The following TFB1M variants were observed in gnomAD, a reference collection of about 807,000 sequenced individuals.
TFB1M encodes dimethyladenosine transferase 1, mitochondrial.
A neutral mutation model predicts 31.1 loss-of-function variants in TFB1M; 27 were observed. The ratio of observed to expected loss-of-function variants is 0.87; its 90% CI spans 0.64 to 1.20. The LOEUF (loss-of-function observed/expected upper bound fraction) is 1.20, where lower values mean the gene tolerates loss of function less well. Ranked by LOEUF, TFB1M falls within the 50% of genes most tolerant of loss-of-function variation. The pLI, the probability that TFB1M is intolerant of heterozygous loss-of-function variation, is 0.00. For missense variants in TFB1M, 394 were observed against 418.7 expected (o/e 0.94, Z 0.51); for synonymous variants, 166 against 151.8 (o/e 1.09, Z -0.69).
At chr6:155,270,046 T>A (rs148263677) in intron 5 of TFB1M, among the ~76,000 whole-genome samples, 1 of 152,350 alleles carries the variant, frequency 6.6e-6, no homozygotes, top group Admixed American at 6.5e-5. Flanking sequence ...AGGTGGAAGG[T>A]TCTTGTTCTA....
chr6:155,241,187 A>C, the TFB1M span, among the ~76,000 whole-genome samples: 45 of 152,290 alleles, frequency 3.0e-4, no homozygotes, highest in Non-Finnish European at 5.6e-4. Flanking sequence ...GCACGTGGGA[A>C]TATCCTTGCA....
At chr6:155,311,499 C>A (rs1431365228) in intron 1 of TFB1M, among the ~76,000 whole-genome samples, 160 bp from the exon 2 acceptor site, 1 of 152,182 alleles carries the variant, frequency 6.6e-6, no homozygotes, top group Non-Finnish European at 1.5e-5. Context: ...CCTAAATTAA[C>A]ATGAAGTGGC....
At chr6:155,288,347 T>G (rs547070223) in intron 4 of TFB1M, among the ~76,000 whole-genome samples, 47 of 152,306 alleles carry the variant, frequency 3.1e-4, no homozygotes, top group Middle Eastern at 3.4e-3. Flanking sequence ...TAATCTTTCT[T>G]ACTAAAATGT....
At position 155,256,623 on chromosome 6, in the gene TFB1M, G is replaced by C; in HGVS notation, c.*1213C>G. 2 of 1,614,170 alleles carry C rather than the reference G, an allele frequency of 1.2e-6. No homozygotes were observed. Among genetic ancestry groups the C allele is most frequent in the African/African-American group, 1.3e-5 (1 of 75,040 alleles). Reference sequence around the variant, plus strand: ...AGAGCAGCGGCTGCCCCACGGCTGAGGGCAGGCAGGACTCCAAGAGCACTT... The same window carrying C: ...AGAGCAGCGGCTGCCCCACGGCTGACGGCAGGCAGGACTCCAAGAGCACTT... On this transcript the variant is annotated 3_prime_UTR_variant, in exon 7 of 7. Coordinates refer to ENST00000367166, the MANE Select transcript of TFB1M (RefSeq NM_016020.4).
At chr6:155,298,636 C>T in intron 2 of TFB1M, 51 bp from the exon 3 acceptor site, 1 of 1,248,404 alleles carries the variant, frequency 8.0e-7, no homozygotes, top group South Asian at 1.2e-5. Context: ...ATGCGAGTAA[C>T]AAAACTAAAC....
chr6:155,305,601 A>ATT (rs1562425806), intron 2 of TFB1M, among the ~76,000 whole-genome samples: 34 of 11,926 alleles, frequency 2.9e-3, no homozygotes, highest in East Asian at 0.017. Flanking sequence ...ATTTATATAT[A>ATT]AATATATATA....
chr6:155,251,131 C>T, the TFB1M span: 1 of 927,566 alleles, frequency 1.1e-6, no homozygotes, highest in East Asian at 2.4e-5. Context: ...GTCAGAATTG[C>T]TATAATGGTT....
chr6:155,295,557 G>A (rs1012574320), intron 4 of TFB1M, among the ~76,000 whole-genome samples: 1 of 152,100 alleles, frequency 6.6e-6, no homozygotes, highest in African/African-American at 2.4e-5. Flanking sequence ...TACCCATGTT[G>A]GGGGTGGGGA....
intron 5 of TFB1M, among the ~76,000 whole-genome samples, chr6:155,279,986 A>T (rs1785418642): frequency 6.6e-6 from 1 of 152,118 alleles, no homozygotes; most frequent in Admixed American, 6.5e-5. Flanking sequence ...CAAGGGCTTT[A>T]AAAAAGAATT....
the TFB1M span, among the ~76,000 whole-genome samples, chr6:155,247,353 G>T: frequency 1.3e-5 from 2 of 151,996 alleles, no homozygotes; most frequent in African/African-American, 4.8e-5. Context: ...TTTTGAGATG[G>T]AGTCTCACTT....
Position 155,257,196 on chromosome 6 carries a change from A to G in TFB1M, c.*640T>C. The G allele has an allele frequency of 1.4e-6, 2 of 1,389,138 alleles. No homozygotes were observed. Among genetic ancestry groups the G allele is most frequent in the Non-Finnish European group, 2.0e-6 (2 of 1,021,966 alleles). The allele number at this position is 1,389,138 out of a possible 1,614,324, so 86.1% of individuals were successfully genotyped here. On this transcript the variant is annotated 3_prime_UTR_variant, in exon 7 of 7. Transcript: ENST00000367166. ...GGTGGTAAAGTGGAAATTGCAAAAA[A>G]AAAAAAAAAAAAAAACTGTTCATTC...
At chr6:155,240,362 C>T in the TFB1M span, among the ~76,000 whole-genome samples, 8 of 152,298 alleles carry the variant, frequency 5.3e-5, no homozygotes, top group East Asian at 1.2e-3. Context: ...TACTCAGATC[C>T]GAAATGATAG....
At chr6:155,259,090 C>A (rs1313206805) in intron 6 of TFB1M, among the ~76,000 whole-genome samples, 5 of 152,174 alleles carry the variant, frequency 3.3e-5, no homozygotes, top group Admixed American at 3.3e-4. Flanking sequence ...AGACCAATTC[C>A]AGGATTTCCA....
In TFB1M at chr6:155,286,373, C is replaced by G. The variant is rs1052128455; in HGVS notation, c.547-1096G>C. Among the ~76,000 whole-genome samples the G allele has an allele frequency of 5.9e-5, 9 of 151,660 alleles. No individual in the cohort carries two copies. In the South Asian group the frequency reaches 1.7e-3, roughly 28 times the overall value. On this transcript the variant is annotated intron_variant, in intron 4 of 6. Coordinates refer to ENST00000367166, the MANE Select transcript of TFB1M (RefSeq NM_016020.4). ...ATAAGAAAAGACAGACAGACAGACA[C>G]ACACACATATATGTATATATGTATG...
At chr6:155,264,144 C>T (rs2985700) in intron 5 of TFB1M, 79,108 of 151,918 alleles carry the variant, frequency 0.52, 21,542 homozygotes, top group East Asian at 0.97. Flanking sequence ...ACTTCACTGT[C>T]GGGTAAAACA....
the TFB1M span, among the ~76,000 whole-genome samples, chr6:155,242,727 C>T: frequency 6.6e-6 from 1 of 151,988 alleles, no homozygotes; most frequent in African/African-American, 2.4e-5. Context: ...CTGGTCTTGC[C>T]TTCAAATTAT....
chr6:155,249,981 ATC>A, the TFB1M span: 111 of 1,600,780 alleles, frequency 6.9e-5, no homozygotes, highest in African/African-American at 1.4e-3. Flanking sequence ...TCCGTGAGAC[ATC>A]TGCACCCTGG....
At chr6:155,245,253 G>A in the TFB1M span, among the ~76,000 whole-genome samples, 11 of 152,314 alleles carry the variant, frequency 7.2e-5, 4 homozygotes, top group Admixed American at 6.5e-4. Flanking sequence ...CCCCTCCAAG[G>A]GGACCTGGAA....
chr6:155,255,527 A>G (rs1783944433), downstream of TFB1M: 1 of 152,210 alleles, frequency 6.6e-6, no homozygotes, highest in Non-Finnish European at 1.5e-5. Context: ...GTCAAAATAA[A>G]CTGGCCATCA....
Sources: allele counts gnomAD v4.1 joint callset (sites outside exome capture counted in the v4.1 genomes callset), GRCh38; gene constraint gnomAD v4.1.1; transcripts MANE v1.5; gene names NCBI Gene and HGNC (gene_info 2026-07-23, HGNC 2026-07-21).